HSPA12A: variants seen among roughly 807,000 people sequenced by gnomAD.
HSPA12A encodes the protein heat shock 70 kDa protein 12A.
In HSPA12A, 28 loss-of-function variants were observed where a neutral mutation model predicts 69.2. That is an observed-to-expected ratio of 0.40 (90% confidence interval 0.30 to 0.55). The LOEUF (loss-of-function observed/expected upper bound fraction) is 0.55, where lower values mean the gene tolerates loss of function less well. Among genes scored for constraint, HSPA12A ranks in the 20% least tolerant of loss-of-function variants. The pLI is 0.38. For synonymous variants in HSPA12A, 345 were observed against 370.5 expected (o/e 0.93, Z 0.79); for missense variants, 686 against 900.7 (o/e 0.76, Z 3.05).
Position 116,675,110 on chromosome 10 carries a change from C to A in HSPA12A, c.1699G>T (p.Val567Phe). The change falls in exon 12 of 12, where the codon GTC becomes TTC. Residue 567 changes from valine (V) to phenylalanine (F), a missense_variant. By Grantham distance (50) the Val-to-Phe change is conservative (BLOSUM62 -1). Coordinates refer to ENST00000369209, the MANE Select transcript of HSPA12A (RefSeq NM_025015.3). The surrounding 1 kb of genome is among the most constrained non-coding windows in gnomAD (Gnocchi z 5.2). Reference protein sequence around the residue: ...VKDGTRWCTDVFDKFISADQS... With the variant: ...VKDGTRWCTDFFDKFISADQS... ...TCGGCAGAGATGAACTTGTCAAAGACGTCGGTGCACCACCGAGTGCCATCC... is the reference window on the plus strand; with the variant it reads ...TCGGCAGAGATGAACTTGTCAAAGAAGTCGGTGCACCACCGAGTGCCATCC... 3 of 1,613,938 alleles carry A rather than the reference C, an allele frequency of 1.9e-6. No individual in the cohort carries two copies. Among genetic ancestry groups the A allele is most frequent in the Non-Finnish European group, 1.7e-6 (2 of 1,180,014 alleles).
At chr10:116,766,106 C>T (rs1347899330) in intron 2 of HSPA12A, among the ~76,000 whole-genome samples, 1 of 152,182 alleles carries the variant, frequency 6.6e-6, no homozygotes, top group Non-Finnish European at 1.5e-5. Context: ...CTCCTCTGCC[C>T]CCTCTCCTCC....
At chr10:116,754,507 G>A (rs1203834515) in intron 2 of HSPA12A, among the ~76,000 whole-genome samples, 1 of 152,138 alleles carries the variant, frequency 6.6e-6, no homozygotes, top group Admixed American at 6.5e-5. Context: ...TTGGGGATAA[G>A]AAGAAAAATA....
intron 2 of HSPA12A, among the ~76,000 whole-genome samples, chr10:116,757,724 G>A (rs952181908): frequency 6.6e-6 from 1 of 152,170 alleles, no homozygotes; most frequent in Non-Finnish European, 1.5e-5. Context: ...AATAATAACT[G>A]TACCTACTTC....
intron 2 of HSPA12A, chr10:116,749,987 T>A (rs1268376218): frequency 4.8e-6 from 1 of 207,856 alleles, no homozygotes; most frequent in African/African-American, 2.3e-5. Flanking sequence ...TAAAATGGAT[T>A]ACTGTGCTTG....
intron 6 of HSPA12A, among the ~76,000 whole-genome samples, chr10:116,689,971 A>G (rs1382926979): frequency 1.3e-5 from 2 of 152,210 alleles, no homozygotes; most frequent in African/African-American, 4.8e-5. Context: ...TTAAATGTTG[A>G]ACTTTATCAC....
At chr10:116,834,101 G>T (rs1845668275) in intron 2 of HSPA12A, among the ~76,000 whole-genome samples, 1 of 152,152 alleles carries the variant, frequency 6.6e-6, no homozygotes, top group South Asian at 2.1e-4. Flanking sequence ...ATCTCGCCAG[G>T]CCCCTCCCCC....
At chr10:116,698,214 G>A (rs1178012377) in intron 5 of HSPA12A, 1 of 158,552 alleles carries the variant, frequency 6.3e-6, no homozygotes, top group Non-Finnish European at 1.4e-5. Flanking sequence ...CATGTGGACT[G>A]TTTCTACTTT....
intron 1 of HSPA12A, among the ~76,000 whole-genome samples, chr10:116,728,717 C>T (rs782652976): frequency 2.0e-5 from 3 of 152,180 alleles, no homozygotes; most frequent in Non-Finnish European, 2.9e-5. Flanking sequence ...GTCTATGTGC[C>T]ACTGCTTATC....
At chr10:116,780,729 G>C (rs1313135551) in intron 2 of HSPA12A, among the ~76,000 whole-genome samples, 2 of 151,988 alleles carry the variant, frequency 1.3e-5, no homozygotes, top group Non-Finnish European at 2.9e-5. Flanking sequence ...GAATAACAAG[G>C]ATCTAGTAGA....
intron 2 of HSPA12A, among the ~76,000 whole-genome samples, chr10:116,795,917 C>A (rs1403504908): frequency 6.6e-6 from 1 of 150,934 alleles, no homozygotes; most frequent in Non-Finnish European, 1.5e-5. Flanking sequence ...GAGGCCGAGG[C>A]GGGTGGATCA....
At chr10:116,807,943 T>C (rs1845099251) in intron 2 of HSPA12A, among the ~76,000 whole-genome samples, 1 of 152,172 alleles carries the variant, frequency 6.6e-6, no homozygotes. Flanking sequence ...GGCAGGAGGA[T>C]CAGTCAGCAC....
intron 1 of HSPA12A, among the ~76,000 whole-genome samples, chr10:116,711,632 G>A (rs145508350): frequency 6.6e-6 from 1 of 151,588 alleles, no homozygotes; most frequent in East Asian, 1.9e-4. Flanking sequence ...TTCACATCAA[G>A]GAATCAGAGA....
chr10:116,699,447 G>A (rs2132961240), intron 4 of HSPA12A, among the ~76,000 whole-genome samples: 1 of 152,182 alleles, frequency 6.6e-6, no homozygotes, highest in East Asian at 1.9e-4. Context: ...CAAAAATCAG[G>A]AGGAAGCCCC....
intron 6 of HSPA12A, among the ~76,000 whole-genome samples, chr10:116,688,117 G>T (rs747250545): frequency 6.6e-6 from 1 of 152,106 alleles, no homozygotes. Flanking sequence ...TGTTATTAAC[G>T]GTGCAGACAT....
intron 2 of HSPA12A, among the ~76,000 whole-genome samples, chr10:116,826,688 TG>T (rs1363544542): frequency 6.6e-6 from 1 of 152,218 alleles, no homozygotes; most frequent in Non-Finnish European, 1.5e-5. Context: ...CTCTACTGTG[TG>T]ATACCCCCAG....
rs930827599 is a variant in HSPA12A, at chr10:116,789,758, G to A, written c.91+45177C>T. ...AAGCTGACGTGACTGTTCAGTGCCC[G>A]TTTGCATTTCTGAAGGGCCTAATGT... On this transcript the variant is annotated intron_variant, in intron 2 of 12. Transcript: ENST00000635765. Among the ~76,000 whole-genome samples, 31 of 152,276 alleles carry A rather than the reference G, an allele frequency of 2.0e-4. 1 individual carries two copies. The highest frequency in any genetic ancestry group is 7.0e-4 in the African/African-American group (29 of 41,562).
At chr10:116,718,026 A>G (rs1471306493) in intron 1 of HSPA12A, among the ~76,000 whole-genome samples, 3 of 152,204 alleles carry the variant, frequency 2.0e-5, no homozygotes, top group Non-Finnish European at 4.4e-5. Context: ...GCCTTCCTGT[A>G]TTCTACAGGG....
intron 1 of HSPA12A, among the ~76,000 whole-genome samples, chr10:116,836,122 A>G (rs1304122460): frequency 6.6e-6 from 1 of 152,168 alleles, no homozygotes; most frequent in Non-Finnish European, 1.5e-5. Flanking sequence ...AGCCCATAGG[A>G]GGTGTCTGTT....
At chr10:116,698,470 A>G (rs1033112963) in intron 5 of HSPA12A, 165 bp downstream of exon 5, 1 of 487,138 alleles carries the variant, frequency 2.1e-6, no homozygotes, top group South Asian at 4.4e-5. Flanking sequence ...CTTTCCCACC[A>G]GCAGCGTGTG....
Sources: allele counts gnomAD v4.1 joint callset (sites outside exome capture counted in the v4.1 genomes callset), GRCh38; gene constraint gnomAD v4.1.1; non-coding constraint Gnocchi (gnomAD v3.1); transcripts MANE v1.5; gene names NCBI Gene and HGNC (gene_info 2026-07-23, HGNC 2026-07-21).